Variants in PTPRD observed in about 807,000 individuals in gnomAD.
The protein encoded by PTPRD is protein tyrosine phosphatase receptor type D, also known as receptor-type tyrosine-protein phosphatase delta.
PTPRD carries 34 observed loss-of-function variants against 214.5 expected under a neutral mutation model. That is an observed-to-expected ratio of 0.16 (90% confidence interval 0.12 to 0.21). PTPRD has a LOEUF of 0.21. Ranked by LOEUF, PTPRD falls within the 10% of genes least tolerant of loss-of-function variation. The probability of loss-of-function intolerance (pLI) is 1.00; values close to 1 mark genes in which losing one functional copy is unlikely to be tolerated. For missense variants in PTPRD, 2,545 were observed against 2,398.7 expected, an observed-to-expected ratio of 1.06 and a Z score of -1.27; for synonymous variants, 1,128 against 845.7, an observed-to-expected ratio of 1.33 and a Z score of -5.79.
At chr9:10,152,735 G>T (rs1041268491) in intron 3 of PTPRD, among the ~76,000 whole-genome samples, 1 of 152,202 alleles carries the variant, frequency 6.6e-6, no homozygotes, top group Non-Finnish European at 1.5e-5. Flanking sequence ...TGAGGCAGGA[G>T]AATAGCTTGA....
intron 8 of PTPRD, among the ~76,000 whole-genome samples, chr9:9,561,431 G>C (rs902526522): frequency 2.3e-4 from 35 of 152,292 alleles, no homozygotes; most frequent in African/African-American, 8.4e-4. Context: ...ACGCATATTT[G>C]ACGCAGAATA....
chr9:8,866,371 T>C (rs114655202), intron 11 of PTPRD, among the ~76,000 whole-genome samples: 1,671 of 152,234 alleles, frequency 0.011, 28 homozygotes, highest in African/African-American at 0.038. Context: ...AACACAAGTA[T>C]CTCTACTGTT....
chr9:10,601,582 T>A (rs2077993428), intron 2 of PTPRD, among the ~76,000 whole-genome samples: 1 of 151,768 alleles, frequency 6.6e-6, no homozygotes. Flanking sequence ...ATATCTAGAA[T>A]AGTGACTACA....
At chr9:9,923,062 C>G (rs1377199609) in intron 5 of PTPRD, among the ~76,000 whole-genome samples, 2 of 150,814 alleles carry the variant, frequency 1.3e-5, no homozygotes, top group Non-Finnish European at 2.9e-5. Context: ...GAAATATTTA[C>G]TGGTGAAAGA....
intron 9 of PTPRD, among the ~76,000 whole-genome samples, chr9:9,332,492 T>C (rs746607960): frequency 4.0e-5 from 6 of 150,028 alleles, no homozygotes; most frequent in African/African-American, 1.5e-4. Flanking sequence ...GTACCAAATA[T>C]AGAAAGTAAA....
At chr9:9,241,964 T>G (rs1361844332) in intron 9 of PTPRD, among the ~76,000 whole-genome samples, 1 of 152,088 alleles carries the variant, frequency 6.6e-6, no homozygotes, top group East Asian at 1.9e-4. Context: ...ATTTGGCATG[T>G]TTTTGCAGTG....
chr9:9,935,981 G>T (rs1199685113), intron 5 of PTPRD, among the ~76,000 whole-genome samples: 1 of 151,164 alleles, frequency 6.6e-6, no homozygotes, highest in African/African-American at 2.5e-5. Context: ...ATGGGGAAAG[G>T]ATTCCCTATT....
intron 25 of PTPRD, among the ~76,000 whole-genome samples, chr9:8,498,827 T>C (rs533918118): frequency 1.3e-5 from 2 of 152,274 alleles, no homozygotes; most frequent in South Asian, 4.1e-4. Context: ...TTCATCTTCC[T>C]TTCAGGAAAA....
intron 9 of PTPRD, among the ~76,000 whole-genome samples, chr9:9,389,076 A>G (rs1254522193): frequency 6.6e-6 from 1 of 152,194 alleles, no homozygotes; most frequent in Non-Finnish European, 1.5e-5. Context: ...TTTCTCATTT[A>G]TGAAATTGAT....
At chr9:8,746,415 A>T (rs2092816168) in intron 11 of PTPRD, among the ~76,000 whole-genome samples, 1 of 152,244 alleles carries the variant, frequency 6.6e-6, no homozygotes, top group South Asian at 2.1e-4. Flanking sequence ...TCAGAGTGGC[A>T]GCGAAAAAAA....
intron 11 of PTPRD, among the ~76,000 whole-genome samples, chr9:8,896,165 T>C (rs1441422167): frequency 1.3e-5 from 2 of 152,192 alleles, no homozygotes; most frequent in Non-Finnish European, 2.9e-5. Flanking sequence ...GGGGAAATGA[T>C]TGCCTTTTAA....
chr9:10,268,880 A>T (rs1239818422), intron 3 of PTPRD, among the ~76,000 whole-genome samples: 1 of 152,134 alleles, frequency 6.6e-6, no homozygotes, highest in Non-Finnish European at 1.5e-5. Flanking sequence ...TAGGGCAGGG[A>T]TTTTCAGTCT....
chr9:9,103,496 A>T (rs2099794189), intron 10 of PTPRD, among the ~76,000 whole-genome samples: 1 of 152,164 alleles, frequency 6.6e-6, no homozygotes. Context: ...TTAAATGAGA[A>T]TGTATTATTT....
intron 7 of PTPRD, among the ~76,000 whole-genome samples, chr9:9,598,954 C>T (rs185512823): frequency 6.6e-6 from 1 of 151,966 alleles, no homozygotes; most frequent in South Asian, 2.1e-4. Flanking sequence ...TTCTTGGTTC[C>T]TAAGCCCCTC....
intron 12 of PTPRD, among the ~76,000 whole-genome samples, chr9:8,699,707 T>A (rs535312029): frequency 6.6e-6 from 1 of 151,666 alleles, no homozygotes; most frequent in African/African-American, 2.4e-5. Flanking sequence ...TTTTCTGAAA[T>A]GGTATCCATC....
chr9:9,101,448 C>G (rs1439857229), intron 10 of PTPRD, among the ~76,000 whole-genome samples: 1 of 152,136 alleles, frequency 6.6e-6, no homozygotes, highest in Non-Finnish European at 1.5e-5. Context: ...CCCATGAAAT[C>G]AAGAATGGGG....
intron 37 of PTPRD, among the ~76,000 whole-genome samples, chr9:8,388,403 C>A (rs1403111593): frequency 2.0e-5 from 3 of 152,158 alleles, no homozygotes; most frequent in Non-Finnish European, 4.4e-5. Flanking sequence ...TGTCCCTATT[C>A]TTCAATGAAA....
chr9:10,118,192 T>C (rs978948846), intron 3 of PTPRD, among the ~76,000 whole-genome samples: 3 of 118,986 alleles, frequency 2.5e-5, no homozygotes, highest in Admixed American at 8.8e-5. Context: ...ACTTCTCACA[T>C]TTATTATCTA....
chr9:9,547,711 T>C (rs1288496906), intron 8 of PTPRD, among the ~76,000 whole-genome samples: 1 of 151,914 alleles, frequency 6.6e-6, no homozygotes, highest in African/African-American at 2.4e-5. Context: ...ATTTGAAGGC[T>C]ATTTTCCAAA....
Sources: allele counts gnomAD v4.1 joint callset (sites outside exome capture counted in the v4.1 genomes callset), GRCh38; gene constraint gnomAD v4.1.1; transcripts MANE v1.5; gene names NCBI Gene and HGNC (gene_info 2026-07-23, HGNC 2026-07-21).